The following CHN2 variants were observed in gnomAD, a reference collection of about 807,000 sequenced individuals.
CHN2 encodes the protein chimerin 2.
Under a neutral mutation model 56.3 loss-of-function variants are expected in CHN2, and 35 were observed. That is an observed-to-expected ratio of 0.62 (90% CI 0.47 to 0.82). The LOEUF (loss-of-function observed/expected upper bound fraction) is 0.82, where lower values mean the gene tolerates loss of function less well. Among genes scored for constraint, CHN2 ranks in the 40% least tolerant of loss-of-function variants. The probability of loss-of-function intolerance (pLI) is 0.00; values close to 1 mark genes in which losing one functional copy is unlikely to be tolerated. For synonymous variants in CHN2, 210 were observed against 212.8 expected (o/e 0.99, Z 0.12); for missense variants, 491 against 580.5 (o/e 0.85, Z 1.58).
At chr7:29,331,249 A>T (rs1023395349) in intron 1 of CHN2, among the ~76,000 whole-genome samples, 1 of 152,198 alleles carries the variant, frequency 6.6e-6, no homozygotes, top group Non-Finnish European at 1.5e-5. Flanking sequence ...CAGTTAATGG[A>T]GGGTCTGTTG....
At chr7:29,417,377 C>G (rs901577971) in intron 6 of CHN2, among the ~76,000 whole-genome samples, 20 of 150,526 alleles carry the variant, frequency 1.3e-4, no homozygotes, top group Non-Finnish European at 1.5e-5. Flanking sequence ...GCTCTGTCCC[C>G]CAGGCTGGAG....
At chr7:29,367,513 CA>C (rs1300496580) in intron 2 of CHN2, among the ~76,000 whole-genome samples, 1 of 152,154 alleles carries the variant, frequency 6.6e-6, no homozygotes, top group Non-Finnish European at 1.5e-5. Context: ...CTTAAAATGC[CA>C]GTTCTTTTCC....
chr7:29,380,736 T>C (rs1189674607), intron 3 of CHN2: 1 of 152,222 alleles, frequency 6.6e-6, no homozygotes, highest in East Asian at 1.9e-4. Context: ...TCTAGAAATT[T>C]AACAGCAGCA....
intron 1 of CHN2, among the ~76,000 whole-genome samples, chr7:29,287,741 A>G (rs762131579): frequency 3.3e-5 from 5 of 152,236 alleles, no homozygotes; most frequent in Non-Finnish European, 7.3e-5. Flanking sequence ...TAGTAGACTC[A>G]GTGAAATCAA....
chr7:29,361,494 C>T (rs934487818), intron 2 of CHN2, among the ~76,000 whole-genome samples: 1 of 152,168 alleles, frequency 6.6e-6, no homozygotes, highest in Non-Finnish European at 1.5e-5. Context: ...GAGACCTGCT[C>T]ATTGAGAAAT....
At chr7:29,376,745 T>C (rs1323090944) in intron 3 of CHN2, among the ~76,000 whole-genome samples, 1 of 152,198 alleles carries the variant, frequency 6.6e-6, no homozygotes, top group Non-Finnish European at 1.5e-5. Context: ...TAGGCACCCA[T>C]AGCCTTCCTT....
At chr7:29,252,587 T>TTTG (rs1554378184) in intron 1 of CHN2, among the ~76,000 whole-genome samples, 1 of 22,830 alleles carries the variant, frequency 4.4e-5, no homozygotes, top group Non-Finnish European at 6.9e-5. Context: ...TGTTTTTTTT[T>TTTG]TTTTTTTTTT....
At chr7:29,435,894 C>CTTTTTTTTT (rs57786505) in intron 6 of CHN2, among the ~76,000 whole-genome samples, 3 of 137,424 alleles carry the variant, frequency 2.2e-5, no homozygotes, top group Non-Finnish European at 4.7e-5. Context: ...GAAGCGCCTC[C>CTTTTTTTTT]TTTTTTTTTT....
chr7:29,220,646 G>A (rs1186216706), intron 1 of CHN2, among the ~76,000 whole-genome samples: 1 of 152,076 alleles, frequency 6.6e-6, no homozygotes, highest in African/African-American at 2.4e-5. Context: ...TATTTAAATT[G>A]AAGCGACAAT....
intron 1 of CHN2, among the ~76,000 whole-genome samples, chr7:29,344,202 C>G (rs377603509): frequency 6.6e-6 from 1 of 152,282 alleles, no homozygotes; most frequent in East Asian, 1.9e-4. Flanking sequence ...TGTCACCTTC[C>G]TCGGTTACTG....
intron 7 of CHN2, among the ~76,000 whole-genome samples, chr7:29,491,077 TA>T (rs1269134872): frequency 6.6e-6 from 1 of 152,172 alleles, no homozygotes; most frequent in Non-Finnish European, 1.5e-5. Context: ...CTCAAAATTA[TA>T]TACTTCTGGT....
intron 5 of CHN2, among the ~76,000 whole-genome samples, chr7:29,399,004 C>G (rs945075607): frequency 1.3e-5 from 2 of 152,190 alleles, no homozygotes; most frequent in East Asian, 3.9e-4. Context: ...TCATCCCACA[C>G]AGAAACCCAC....
At position 29,480,440 on chromosome 7, in the gene CHN2, T is replaced by C. The variant is rs1307917114; in HGVS notation, c.654+84T>C. ...GTATAGTTTCCGTCTGGTTTCTGAC[T>C]GTAAAGTCAAGAGACAATGAATTCC... is the stretch of plus-strand genomic sequence containing the variant. On this transcript the variant is annotated intron_variant, in intron 7 of 12. Transcript: ENST00000222792. The C allele has an allele frequency of 2.9e-6, 4 of 1,387,556 alleles. No homozygotes were observed. In the East Asian group the frequency reaches 9.2e-5, roughly 32 times the overall value. The allele number at this position is 1,387,556 out of a possible 1,614,324, so 86.0% of individuals were successfully genotyped here. A position where few individuals can be genotyped will look rare whatever the true frequency, so the allele number is the denominator to read the frequency against.
chr7:29,278,005 G>C (rs940220727), intron 1 of CHN2, among the ~76,000 whole-genome samples: 2 of 152,066 alleles, frequency 1.3e-5, no homozygotes, highest in Non-Finnish European at 1.5e-5. Context: ...GTCATATAGC[G>C]AGTATGTGGT....
At chr7:29,388,169 G>A (rs1187642583) in intron 3 of CHN2, among the ~76,000 whole-genome samples, 1 of 152,198 alleles carries the variant, frequency 6.6e-6, no homozygotes, top group African/African-American at 2.4e-5. Flanking sequence ...TTTTAGGAAT[G>A]GGTGAGACTC....
intron 6 of CHN2, among the ~76,000 whole-genome samples, chr7:29,472,346 G>C (rs1037507342): frequency 9.3e-6 from 1 of 107,056 alleles, no homozygotes; most frequent in African/African-American, 2.8e-5. Context: ...CATACCCTTA[G>C]TATACCACCA....
intron 1 of CHN2, among the ~76,000 whole-genome samples, chr7:29,270,633 C>T (rs2128846159): frequency 6.6e-6 from 1 of 151,960 alleles, no homozygotes; most frequent in African/African-American, 2.4e-5. Flanking sequence ...CACTGCACTC[C>T]AGCCTTGGGC....
intron 1 of CHN2, among the ~76,000 whole-genome samples, chr7:29,310,127 G>A (rs1190870736): frequency 1.3e-5 from 2 of 151,938 alleles, no homozygotes; most frequent in Non-Finnish European, 2.9e-5. Context: ...ATGGTTACAC[G>A]GATAAAATAC....
At chr7:29,225,879 C>A (rs1292804062) in intron 1 of CHN2, among the ~76,000 whole-genome samples, 4 of 152,082 alleles carry the variant, frequency 2.6e-5, no homozygotes, top group Admixed American at 6.6e-5. Flanking sequence ...ACATGTCCTA[C>A]AAGGCATGGG....
Sources: gnomAD v4.1 joint callset for allele counts (sites outside exome capture counted in the v4.1 genomes callset) on GRCh38, gnomAD v4.1.1 for gene constraint, MANE v1.5 for transcripts, NCBI Gene and HGNC (gene_info 2026-07-23, HGNC 2026-07-21) for gene names.